The following LPGAT1 variants were observed in gnomAD, a reference collection of about 807,000 sequenced individuals.
LPGAT1 encodes lysophosphatidylglycerol acyltransferase 1.
LPGAT1 carries 11 observed loss-of-function variants against 47.5 expected under a neutral mutation model. The ratio of observed to expected loss-of-function variants is 0.23; its 90% CI spans 0.15 to 0.38. LPGAT1 has a LOEUF of 0.38. LPGAT1 is among the 10% of genes least tolerant of loss of function. The pLI, the probability that LPGAT1 is intolerant of heterozygous loss-of-function variation, is 1.00. For missense variants in LPGAT1, 293 were observed against 439.0 expected, an observed-to-expected ratio of 0.67 and a Z score of 2.97; for synonymous variants, 138 against 144.2, an observed-to-expected ratio of 0.96 and a Z score of 0.31.
At position 211,779,010 on chromosome 1, in the gene LPGAT1, A is replaced by G. The variant is rs920685284; in HGVS notation, c.762T>C (p.Asp254=). 1.4e-5 allele frequency: 22 copies of G among 1,605,980 alleles called. No homozygotes were observed. In the Admixed American group the frequency reaches 2.4e-4, roughly 18 times the overall value. The change falls in exon 6 of 8, where the codon GAT becomes GAC. Residue 254 remains aspartate, a synonymous_variant. Coordinates refer to ENST00000366997, the MANE Select transcript of LPGAT1 (RefSeq NM_014873.3). The part of the protein sequence containing the change: ...SKSKGLQWII[D]TTIAYPKAEP... ...CAGCTTTGGGATAAGCTATCGTTGTATCTATTATCCACTGGAGGCCTTTTG... is the reference window on the plus strand; with the variant it reads ...CAGCTTTGGGATAAGCTATCGTTGTGTCTATTATCCACTGGAGGCCTTTTG...
chr1:211,796,659 TC>T (rs1402870417), intron 2 of LPGAT1, among the ~76,000 whole-genome samples: 1 of 152,158 alleles, frequency 6.6e-6, no homozygotes, highest in Non-Finnish European at 1.5e-5. Context: ...CCCTCAATTT[TC>T]CCCATCCTCT....
At chr1:211,768,157 T>C (rs1658018977) in intron 6 of LPGAT1, among the ~76,000 whole-genome samples, 1 of 152,190 alleles carries the variant, frequency 6.6e-6, no homozygotes, top group Non-Finnish European at 1.5e-5. Context: ...AATTTGAGTA[T>C]TTCAATATCC....
intron 4 of LPGAT1, among the ~76,000 whole-genome samples, chr1:211,784,493 A>G (rs79871168): frequency 1.2e-4 from 14 of 117,072 alleles, no homozygotes; most frequent in Non-Finnish European, 2.2e-4. Flanking sequence ...CCTGTCTCAA[A>G]AAAAAAAAAA....
At chr1:211,813,156 G>T (rs538884187) in intron 2 of LPGAT1, among the ~76,000 whole-genome samples, 2 of 152,172 alleles carry the variant, frequency 1.3e-5, no homozygotes, top group Non-Finnish European at 2.9e-5. Flanking sequence ...AGGTCTCATA[G>T]CTACTAAATG....
intron 3 of LPGAT1, among the ~76,000 whole-genome samples, chr1:211,791,015 T>A (rs1223238703): frequency 6.6e-6 from 1 of 152,176 alleles, no homozygotes; most frequent in Non-Finnish European, 1.5e-5. Flanking sequence ...TTTAACGTCA[T>A]GAACTTAGAG....
chr1:211,810,357 A>G (rs1157498905), intron 2 of LPGAT1, among the ~76,000 whole-genome samples: 1 of 152,230 alleles, frequency 6.6e-6, no homozygotes, highest in Admixed American at 6.5e-5. Flanking sequence ...GGTGGAAGGA[A>G]AAAAGAAAAA....
chr1:211,803,317 A>G (rs568529362), intron 2 of LPGAT1, among the ~76,000 whole-genome samples: 3 of 152,334 alleles, frequency 2.0e-5, no homozygotes, highest in East Asian at 3.8e-4. Context: ...GAAAAAAGAA[A>G]TTGGGAACAC....
chr1:211,825,780 GAA>G (rs1051855630), intron 2 of LPGAT1, among the ~76,000 whole-genome samples: 1 of 152,162 alleles, frequency 6.6e-6, no homozygotes, highest in African/African-American at 2.4e-5. Context: ...CCAACATAGT[GAA>G]ACCCCCATCT....
chr1:211,803,232 C>T (rs2102573494), intron 2 of LPGAT1: 1 of 152,234 alleles, frequency 6.6e-6, no homozygotes, highest in Admixed American at 6.5e-5. Context: ...AAAAATTAAC[C>T]TCTTGCTCTC....
intron 2 of LPGAT1, among the ~76,000 whole-genome samples, chr1:211,796,959 C>T (rs1157390558): frequency 6.6e-6 from 1 of 151,974 alleles, no homozygotes; most frequent in African/African-American, 2.4e-5. Flanking sequence ...CATGCTGAAT[C>T]AAAAAAGTGA....
In LPGAT1 at chr1:211,830,696, G is replaced by T; in HGVS notation, c.-151C>A. ...CCCTGCCCCGCTCCGGCTGTGGCGC[G>T]GCCCGCGCCCGTTCCCCGGCGGCGC... On this transcript the variant is annotated 5_prime_UTR_variant, in exon 1 of 8. Transcript: ENST00000366997. The surrounding 1 kb of genome is among the most constrained non-coding windows in gnomAD (Gnocchi z 5.9). 4.2e-6 allele frequency: 5 copies of T among 1,188,544 alleles called. No individual in the cohort carries two copies. Among genetic ancestry groups the T allele is most frequent in the Non-Finnish European group, 5.2e-6 (5 of 961,450 alleles). 73.6% of individuals were successfully genotyped at this position (1,188,544 alleles called of 1,614,324 possible).
chr1:211,762,944 G>A (rs577085024), intron 6 of LPGAT1, among the ~76,000 whole-genome samples: 146 of 152,250 alleles, frequency 9.6e-4, no homozygotes, highest in African/African-American at 3.3e-3. Context: ...ACTAAGCACC[G>A]AAGAAGATTC....
Position 211,745,586 on chromosome 1 carries a change from T to A in LPGAT1, c.*4313A>T, listed in dbSNP as rs182147480. ...AATATTAAATGTAAAAACCCTCAGA[T>A]GGAAATTTTGCAGAAAAACCCATAT... On this transcript the variant is annotated 3_prime_UTR_variant, in exon 8 of 8. Transcript: ENST00000366997. The A allele has an allele frequency of 6.6e-6, 1 of 152,458 alleles. No individual in the cohort carries two copies. Among genetic ancestry groups the A allele is most frequent in the African/African-American group, 2.4e-5 (1 of 41,460 alleles). 9.4% of individuals were successfully genotyped at this position (152,458 alleles called of 1,614,324 possible). A position where few individuals can be genotyped will look rare whatever the true frequency, so the allele number is the denominator to read the frequency against.
chr1:211,781,606 AAT>A (rs1658646206), intron 5 of LPGAT1, among the ~76,000 whole-genome samples: 1 of 152,262 alleles, frequency 6.6e-6, no homozygotes, highest in Non-Finnish European at 1.5e-5. Flanking sequence ...ATCTGAGTTA[AAT>A]CACAGACATT....
chr1:211,825,540 A>C (rs544668420), intron 2 of LPGAT1, among the ~76,000 whole-genome samples: 1 of 152,336 alleles, frequency 6.6e-6, no homozygotes, highest in Non-Finnish European at 1.5e-5. Context: ...ATCCAAATAA[A>C]GCATGCAGAA....
chr1:211,830,412 G>T lies in LPGAT1; in HGVS notation c.-28+161C>A. 3.4e-6 allele frequency: 4 copies of T among 1,172,122 alleles called. No individual in the cohort carries two copies. Among genetic ancestry groups the T allele is most frequent in the Non-Finnish European group, 4.2e-6 (4 of 948,118 alleles). The allele number at this position is 1,172,122 out of a possible 1,614,324, so 72.6% of individuals were successfully genotyped here. A position where few individuals can be genotyped will look rare whatever the true frequency, so the allele number is the denominator to read the frequency against. On this transcript the variant is annotated intron_variant, in intron 1 of 7. Transcript: ENST00000366997. This position sits in a 1 kb window ranked among gnomAD's most constrained non-coding sequence, Gnocchi z 5.9. Reference sequence around the variant, plus strand: ...CCGGGGAGGCGGGCGGATGCCCCGCGCCCCCGCCTCCTCCCCGGGGCCTAC... The same window carrying T: ...CCGGGGAGGCGGGCGGATGCCCCGCTCCCCCGCCTCCTCCCCGGGGCCTAC...
rs574812077 is a variant in LPGAT1, at chr1:211,785,195, T to C, written c.454-1693A>G. ...AAATAATTAGTATGCTTTCAGTCTTTAGATCAAATGTATCCCAAATGCAAA... is the reference window on the plus strand; with the variant it reads ...AAATAATTAGTATGCTTTCAGTCTTCAGATCAAATGTATCCCAAATGCAAA... On this transcript the variant is annotated intron_variant, in intron 4 of 7. Transcript: ENST00000366997. Among the ~76,000 whole-genome samples, 3 of 152,326 alleles carry C rather than the reference T, an allele frequency of 2.0e-5. 1 individual carries two copies. The South Asian group carries it at 6.2e-4, about 32-fold the overall frequency.
intron 2 of LPGAT1, among the ~76,000 whole-genome samples, chr1:211,806,208 C>T (rs1163100888): frequency 6.7e-6 from 1 of 149,268 alleles, no homozygotes; most frequent in African/African-American, 2.5e-5. Flanking sequence ...TGCAGTGAGC[C>T]GAGATTGAGC....
intron 6 of LPGAT1, among the ~76,000 whole-genome samples, chr1:211,761,832 T>G (rs1352013416): frequency 6.6e-6 from 1 of 152,234 alleles, no homozygotes. Context: ...CATAGTTCTG[T>G]GTGTTTGTTC....
Sources: allele counts gnomAD v4.1 joint callset (sites outside exome capture counted in the v4.1 genomes callset), GRCh38; gene constraint gnomAD v4.1.1; non-coding constraint Gnocchi (gnomAD v3.1); transcripts MANE v1.5; gene names NCBI Gene and HGNC (gene_info 2026-07-23, HGNC 2026-07-21).